The following GFRA2 variants were observed in gnomAD, a reference collection of about 807,000 sequenced individuals.
The protein encoded by GFRA2 is GDNF family receptor alpha 2.
GFRA2 carries 17 observed loss-of-function variants against 48.3 expected under a neutral mutation model. The ratio of observed to expected loss-of-function variants is 0.35; its 90% CI spans 0.24 to 0.53. The LOEUF is 0.53. Ranked by LOEUF, GFRA2 falls within the 20% of genes least tolerant of loss-of-function variation. The probability of loss-of-function intolerance (pLI) is 0.93; values close to 1 mark genes in which losing one functional copy is unlikely to be tolerated. For synonymous variants in GFRA2, 305 were observed against 257.2 expected, an observed-to-expected ratio of 1.19 and a Z score of -1.78; for missense variants, 660 against 637.3, an observed-to-expected ratio of 1.04 and a Z score of -0.38.
At chr8:21,693,455 C>A in intron 8 of GFRA2, 55 bp from the exon 9 acceptor site, 1 of 1,527,100 alleles carries the variant, frequency 6.5e-7, no homozygotes, top group Non-Finnish European at 8.9e-7. Flanking sequence ...ACAAAGAAAA[C>A]AGTCAGGAGG....
intron 4 of GFRA2, among the ~76,000 whole-genome samples, chr8:21,723,361 G>C (rs1803696477): frequency 6.6e-6 from 1 of 152,082 alleles, no homozygotes; most frequent in Non-Finnish European, 1.5e-5. Flanking sequence ...AGAAGTACAA[G>C]GTACCAAAGG....
chr8:21,776,189 G>A (rs1806697832), intron 2 of GFRA2, among the ~76,000 whole-genome samples: 1 of 151,986 alleles, frequency 6.6e-6, no homozygotes, highest in African/African-American at 2.4e-5. Flanking sequence ...CTGGAAGAGG[G>A]GCTTTGCAAC....
At chr8:21,721,166 C>T (rs887274269) in intron 4 of GFRA2, among the ~76,000 whole-genome samples, 2 of 152,180 alleles carry the variant, frequency 1.3e-5, no homozygotes, top group Non-Finnish European at 2.9e-5. Context: ...GGCAGATCTT[C>T]AGCTAGCAGC....
Position 21,808,650 on chromosome 8 carries a change from G to A in GFRA2, c.-147-3522C>T, listed in dbSNP as rs570702504. 8.5e-5 allele frequency among the ~76,000 whole-genome samples: 13 copies of A among 152,306 alleles called. 1 individual carries two copies. In the South Asian group the frequency reaches 2.7e-3, roughly 32 times the overall value. ...GGCATTAATAATAACAGAGCTGCTG[G>A]AAGAGCCTCTATCCAGAGGAGCTGA... On this transcript the variant is annotated intron_variant, in intron 1 of 10. Transcript: ENST00000517328.
chr8:21,779,338 C>G (rs1806860021), intron 2 of GFRA2, among the ~76,000 whole-genome samples: 1 of 152,248 alleles, frequency 6.6e-6, no homozygotes, highest in Non-Finnish European at 1.5e-5. Context: ...CAGCACAGTC[C>G]TCCCGTGGCC....
At chr8:21,766,722 C>G (rs1361854185) in intron 3 of GFRA2, among the ~76,000 whole-genome samples, 1 of 141,762 alleles carries the variant, frequency 7.1e-6, no homozygotes, top group Non-Finnish European at 1.5e-5. Context: ...CTGTTCTGAG[C>G]CGCTCTGGCC....
At chr8:21,769,518 C>T (rs1268020875) in intron 3 of GFRA2, among the ~76,000 whole-genome samples, 2 of 152,174 alleles carry the variant, frequency 1.3e-5, no homozygotes, top group African/African-American at 4.8e-5. Flanking sequence ...AGATAAGAAA[C>T]ATGAGGTTCA....
rs114752241 is a variant in GFRA2 at position 21,730,970 on chromosome 8, A to G, written c.794+19618T>C. On this transcript the variant is annotated intron_variant, in intron 4 of 8. Coordinates refer to ENST00000524240, the MANE Select transcript of GFRA2 (RefSeq NM_001495.5). ...TTCCACAGCGAGACGAGGTAGATTC[A>G]GGGCTGGGACCCGGGAATTCTGGCC... Among the ~76,000 whole-genome samples the G allele has an allele frequency of 8.2e-3, 1,254 of 152,230 alleles. 10 individuals carry two copies. The highest frequency in any genetic ancestry group is 0.029 in the African/African-American group (1,184 of 41,536).
chr8:21,761,950 T>TA (rs1805932838), intron 3 of GFRA2, among the ~76,000 whole-genome samples: 1 of 151,368 alleles, frequency 6.6e-6, no homozygotes, highest in African/African-American at 2.4e-5. Context: ...AGACTCTGTC[T>TA]AAAAAAATTA....
At position 21,796,921 on chromosome 8, in the gene GFRA2, G is replaced by A. The variant is rs1198154909; in HGVS notation, c.-36+8096C>T. Among the ~76,000 whole-genome samples, 4 of 152,246 alleles carry A rather than the reference G, an allele frequency of 2.6e-5. No individual in the cohort carries two copies. The East Asian group carries it at 7.7e-4, about 29-fold the overall frequency. On this transcript the variant is annotated intron_variant, in intron 2 of 10. Transcript: ENST00000517328. The stretch of plus-strand genomic sequence containing the variant: ...TCAACAGCCTTCGGTGCTTTTTTCT[G>A]CAAGTTTGCCTCCCTTGGGCCTCCC...
chr8:21,706,504 T>C, intron 4 of GFRA2: 1 of 455,056 alleles, frequency 2.2e-6, no homozygotes, highest in Admixed American at 2.4e-5. Flanking sequence ...CTTCCCTAGA[T>C]GCTTCATAGG....
At chr8:21,788,910 T>G (rs1807423876), upstream of GFRA2, 13 of 545,362 alleles carry the variant, frequency 2.4e-5, no homozygotes, top group Non-Finnish European at 3.0e-5. Flanking sequence ...CTTCTCCCAC[T>G]CTCCCTGCTC....
In GFRA2 at chr8:21,690,529, G is replaced by C. The variant is rs1426262118; in HGVS notation, c.*2749C>G. 1.3e-5 allele frequency: 2 copies of C among 152,224 alleles called. No individual in the cohort carries two copies. The highest frequency in any genetic ancestry group is 4.8e-5 in the African/African-American group (2 of 41,452). 9.4% of individuals were successfully genotyped at this position (152,224 alleles called of 1,614,324 possible). ...ATTTCAGCCATGTGATACTTGGATA[G>C]GGAGACATTTGAGGGCAGAGTAAAG... is the stretch of plus-strand genomic sequence containing the variant. On this transcript the variant is annotated 3_prime_UTR_variant, in exon 9 of 9. Transcript: ENST00000524240.
chr8:21,765,991 C>A (rs1317718287), intron 3 of GFRA2, among the ~76,000 whole-genome samples: 1 of 152,172 alleles, frequency 6.6e-6, no homozygotes, highest in Non-Finnish European at 1.5e-5. Context: ...CTGTGCCCAG[C>A]CCCATGATCC....
rs541517978 is a variant in GFRA2, at chr8:21,740,925, G to A, written c.794+9663C>T. On this transcript the variant is annotated intron_variant, in intron 4 of 8. Coordinates refer to ENST00000524240, the MANE Select transcript of GFRA2 (RefSeq NM_001495.5). Reference sequence around the variant, plus strand: ...GACCAGGTATATCACTTCTACCTCCGAAATATCTCCAATTTATCCACTTAT... The same window carrying A: ...GACCAGGTATATCACTTCTACCTCCAAAATATCTCCAATTTATCCACTTAT... Among the ~76,000 whole-genome samples the A allele has an allele frequency of 7.9e-5, 12 of 152,242 alleles. No homozygotes were observed. The South Asian group carries it at 2.1e-3, about 26-fold the overall frequency.
In GFRA2 at chr8:21,693,151, G is replaced by A; in HGVS notation, c.*127C>T. 1.2e-6 allele frequency: 1 copy of A among 854,338 alleles called. No homozygotes were observed. The highest frequency in any genetic ancestry group is 1.6e-6 in the Non-Finnish European group (1 of 612,660). 52.9% of individuals were successfully genotyped at this position (854,338 alleles called of 1,614,324 possible). On this transcript the variant is annotated 3_prime_UTR_variant, in exon 9 of 9. Coordinates refer to ENST00000524240, the MANE Select transcript of GFRA2 (RefSeq NM_001495.5). Reference sequence around the variant, plus strand: ...AGAAACCTGGGAGGAGACAGGTTCAGCGACAAGGTGGGAAAAACAATTTTT... The same window carrying A: ...AGAAACCTGGGAGGAGACAGGTTCAACGACAAGGTGGGAAAAACAATTTTT...
At chr8:21,730,367 C>T (rs1467473726) in intron 4 of GFRA2, among the ~76,000 whole-genome samples, 1 of 151,444 alleles carries the variant, frequency 6.6e-6, no homozygotes, top group East Asian at 2.0e-4. Context: ...AGTGCCATTG[C>T]ATTCCAGCCT....
chr8:21,811,441 C>A (rs2117126056), intron 1 of GFRA2, among the ~76,000 whole-genome samples: 1 of 152,290 alleles, frequency 6.6e-6, no homozygotes, highest in South Asian at 2.1e-4. Flanking sequence ...TTTAAATGTC[C>A]TTCCTAGAAT....
At chr8:21,778,666 A>G (rs1806827193) in intron 2 of GFRA2, among the ~76,000 whole-genome samples, 1 of 152,222 alleles carries the variant, frequency 6.6e-6, no homozygotes, top group South Asian at 2.1e-4. Flanking sequence ...AAGTGGGAAG[A>G]GATTGCTTGA....
Sources: allele counts gnomAD v4.1 joint callset (sites outside exome capture counted in the v4.1 genomes callset), GRCh38; gene constraint gnomAD v4.1.1; transcripts MANE v1.5; gene names NCBI Gene and HGNC (gene_info 2026-07-23, HGNC 2026-07-21).